Variants in SIPA1L2 observed in about 807,000 individuals in gnomAD.
SIPA1L2 encodes the protein signal-induced proliferation-associated 1-like protein 2.
Under a neutral mutation model 163.9 loss-of-function variants are expected in SIPA1L2, and 56 were observed. The observed-to-expected ratio is 0.34, with a 90% CI of 0.28 to 0.43. The LOEUF is 0.43. Among genes scored for constraint, SIPA1L2 ranks in the 20% least tolerant of loss-of-function variants. The pLI, the probability that SIPA1L2 is intolerant of heterozygous loss-of-function variation, is 1.00. For missense variants in SIPA1L2, 1,974 were observed against 2,193.5 expected (o/e 0.90, Z 2.00); for synonymous variants, 877 against 865.7 (o/e 1.01, Z -0.23).
chr1:232,611,076 TAGTG>T (rs1399721137), intron 1 of SIPA1L2, among the ~76,000 whole-genome samples: 2 of 152,124 alleles, frequency 1.3e-5, no homozygotes, highest in Non-Finnish European at 2.9e-5. Context: ...GTTCTTGTGG[TAGTG>T]AGTAAGTCTC....
At chr1:232,418,015 AC>A (rs1661359119) in intron 18 of SIPA1L2, among the ~76,000 whole-genome samples, 1 of 152,222 alleles carries the variant, frequency 6.6e-6, no homozygotes, top group South Asian at 2.1e-4. Context: ...TACAGAAAGT[AC>A]ATTCTGTTCA....
intron 1 of SIPA1L2, among the ~76,000 whole-genome samples, chr1:232,618,481 C>T (rs570010398): frequency 6.6e-6 from 1 of 152,136 alleles, no homozygotes; most frequent in Non-Finnish European, 1.5e-5. Flanking sequence ...TGGTGAAACC[C>T]CGTCTCTACT....
At chr1:232,596,713 A>C (rs1661272653) in intron 1 of SIPA1L2, among the ~76,000 whole-genome samples, 1 of 152,240 alleles carries the variant, frequency 6.6e-6, no homozygotes, top group South Asian at 2.1e-4. Flanking sequence ...GCTTCTTCTT[A>C]TTAATATTGA....
chr1:232,563,705 A>G (rs1659174711), intron 2 of SIPA1L2, among the ~76,000 whole-genome samples: 1 of 152,116 alleles, frequency 6.6e-6, no homozygotes, highest in African/African-American at 2.4e-5. Flanking sequence ...ACCGCTGCTT[A>G]AAACAACAAA....
At chr1:232,568,410 A>T (rs1001651169) in intron 2 of SIPA1L2, among the ~76,000 whole-genome samples, 5 of 152,210 alleles carry the variant, frequency 3.3e-5, no homozygotes, top group African/African-American at 9.7e-5. Context: ...ACTGCCAAAC[A>T]TGTGGTCATG....
At chr1:232,516,443 A>C (rs1046409993) in intron 2 of SIPA1L2, among the ~76,000 whole-genome samples, 1 of 152,222 alleles carries the variant, frequency 6.6e-6, no homozygotes, top group Non-Finnish European at 1.5e-5. Flanking sequence ...AATAATTCTA[A>C]GAGAATTAGG....
At chr1:232,490,850 C>CATACAATCTCACATT in intron 5 of SIPA1L2, 24 bp downstream of exon 5, 1 of 1,571,180 alleles carries the variant, frequency 6.4e-7, no homozygotes, top group Non-Finnish European at 8.6e-7. Flanking sequence ...CACACACAAA[C>CATACAATCTCACATT]ATACAATCTC....
chr1:232,420,764 G>A (rs963857062), intron 18 of SIPA1L2, among the ~76,000 whole-genome samples: 4 of 152,210 alleles, frequency 2.6e-5, no homozygotes, highest in Non-Finnish European at 4.4e-5. Flanking sequence ...GAACCTGGGA[G>A]GCAGAGCTTG....
At chr1:232,482,627 C>T (rs1030186614) in intron 6 of SIPA1L2, among the ~76,000 whole-genome samples, 2 of 152,142 alleles carry the variant, frequency 1.3e-5, no homozygotes, top group Admixed American at 6.5e-5. Context: ...TTTACACCAT[C>T]GCAGAGGCTT....
chr1:232,515,363 G>C lies in SIPA1L2; in HGVS notation c.-24C>G. On this transcript the variant is annotated 5_prime_UTR_variant, in exon 3 of 23. Coordinates refer to ENST00000674635, the MANE Select transcript of SIPA1L2 (RefSeq NM_020808.5). The stretch of plus-strand genomic sequence containing the variant: ...ATGTCTACCGAGGAAGAGCCTCCAA[G>C]TCTCACCAGGAAGACTGATGTAAAT... 2 of 1,547,332 alleles carry C rather than the reference G, an allele frequency of 1.3e-6. No homozygotes were observed. Among genetic ancestry groups the C allele is most frequent in the South Asian group, 2.5e-5 (2 of 79,548 alleles).
intron 4 of SIPA1L2, among the ~76,000 whole-genome samples, chr1:232,492,358 T>C (rs141047453): frequency 9.3e-4 from 142 of 152,250 alleles, no homozygotes; most frequent in African/African-American, 2.4e-3. Context: ...TTTTAAGAGA[T>C]AGGGTCTTGC....
intron 5 of SIPA1L2, among the ~76,000 whole-genome samples, chr1:232,489,040 G>A (rs1199347496): frequency 6.6e-6 from 1 of 152,224 alleles, no homozygotes; most frequent in African/African-American, 2.4e-5. Context: ...TGGTGGCAGT[G>A]GCAGAGCCCT....
chr1:232,519,433 A>G lies in SIPA1L2; in HGVS notation c.-269-3825T>C, dbSNP rs2103056238. On this transcript the variant is annotated intron_variant, in intron 2 of 22. Transcript: ENST00000674635. ...TGGATGCCTGCCCGTGAATGGTACC[A>G]CTCCAAAACTGGATGGCACATGGAA... is the stretch of plus-strand genomic sequence containing the variant. Among the ~76,000 whole-genome samples the G allele has an allele frequency of 2.0e-5, 3 of 152,118 alleles. No homozygotes were observed. The Middle Eastern group carries it at 0.01, about 517-fold the overall frequency.
At position 232,432,180 on chromosome 1, in the gene SIPA1L2, A is replaced by C. The variant is rs1450399754; in HGVS notation, c.4256+67T>G. On this transcript the variant is annotated intron_variant, in intron 16 of 22. Transcript: ENST00000674635. The stretch of plus-strand genomic sequence containing the variant: ...AAAATACATTTCCTTTGGGAGGAAA[A>C]TACATTTGCTTAGTCAATCCCTACA... The C allele has an allele frequency of 7.8e-6, 10 of 1,288,094 alleles. No homozygotes were observed. In the East Asian group the frequency reaches 2.5e-4, roughly 32 times the overall value. 79.8% of individuals were successfully genotyped at this position (1,288,094 alleles called of 1,614,324 possible). A position where few individuals can be genotyped will look rare whatever the true frequency, so the allele number is the denominator to read the frequency against.
intron 1 of SIPA1L2, among the ~76,000 whole-genome samples, chr1:232,587,985 T>C (rs1018204597): frequency 2.0e-5 from 3 of 152,182 alleles, no homozygotes; most frequent in African/African-American, 2.4e-5. Flanking sequence ...TGTGGGTCCA[T>C]TAAACCTCTT....
intron 1 of SIPA1L2, among the ~76,000 whole-genome samples, chr1:232,621,788 C>G (rs955583804): frequency 6.6e-6 from 1 of 151,776 alleles, no homozygotes; most frequent in Non-Finnish European, 1.5e-5. Flanking sequence ...TTGGGGTCCA[C>G]TGGCACGATC....
At chr1:232,603,408 T>C (rs777011211) in intron 1 of SIPA1L2, among the ~76,000 whole-genome samples, 21 of 151,722 alleles carry the variant, frequency 1.4e-4, no homozygotes, top group Non-Finnish European at 2.9e-4. Flanking sequence ...TTAAAAGGCA[T>C]TGAGAGGTGG....
At position 232,572,758 on chromosome 1, in the gene SIPA1L2, T is replaced by C. The variant is rs79460453; in HGVS notation, c.-270+1416A>G. Among the ~76,000 whole-genome samples the C allele has an allele frequency of 2.8e-3, 198 of 69,668 alleles. 2 individuals carry two copies. The highest frequency in any genetic ancestry group is 7.2e-3 in the African/African-American group (170 of 23,658). 45.7% of individuals were successfully genotyped at this position (69,668 alleles called of 152,430 possible). ...ACATACATATATATATATATATATA[T>C]ATATATATATATATATATATATTTA... On this transcript the variant is annotated intron_variant, in intron 2 of 22. Transcript: ENST00000674635.
chr1:232,437,517 G>GATTTCTACTCTC (rs1453697656), intron 15 of SIPA1L2, among the ~76,000 whole-genome samples: 1 of 152,154 alleles, frequency 6.6e-6, no homozygotes, highest in Non-Finnish European at 1.5e-5. Context: ...CCTCTGCATG[G>GATTTCTACTCTC]TGGACACACA....
Sources: gnomAD v4.1 joint callset for allele counts (sites outside exome capture counted in the v4.1 genomes callset) on GRCh38, gnomAD v4.1.1 for gene constraint, MANE v1.5 for transcripts, NCBI Gene and HGNC (gene_info 2026-07-23, HGNC 2026-07-21) for gene names.